Variants in SFMBT2 observed in about 807,000 individuals in gnomAD.
SFMBT2 encodes scm-like with four MBT domains protein 2.
SFMBT2 carries 38 observed loss-of-function variants against 110.1 expected under a neutral mutation model. The ratio of observed to expected loss-of-function variants is 0.35; its 90% CI spans 0.27 to 0.45. SFMBT2 has a LOEUF of 0.45. Ranked by LOEUF, SFMBT2 falls within the 20% of genes least tolerant of loss-of-function variation. The pLI, the probability that SFMBT2 is intolerant of heterozygous loss-of-function variation, is 1.00. For missense variants in SFMBT2, 1,011 were observed against 1,094.9 expected (o/e 0.92, Z 1.08); for synonymous variants, 425 against 425.4 (o/e 1.00, Z 0.01).
intron 3 of SFMBT2, among the ~76,000 whole-genome samples, chr10:7,368,627 A>G (rs4748862): frequency 0.93 from 141,676 of 152,294 alleles, 66,026 homozygotes; most frequent in East Asian, 1. Context: ...AGGGAGGTGG[A>G]AGGATTGACT....
intron 6 of SFMBT2, 103 bp from the exon 7 acceptor site, chr10:7,277,092 G>A (rs1056889739): frequency 2.5e-5 from 18 of 719,704 alleles, no homozygotes; most frequent in Admixed American, 5.8e-5. Context: ...ACCTCAGCAC[G>A]GTCAGTGACC....
chr10:7,257,424 A>T (rs1006926172), intron 7 of SFMBT2, among the ~76,000 whole-genome samples: 10 of 152,182 alleles, frequency 6.6e-5, no homozygotes, highest in Non-Finnish European at 1.2e-4. Context: ...GGAGTGAACC[A>T]TCGCTGCGGG....
chr10:7,216,533 T>C (rs1190183083), intron 11 of SFMBT2, among the ~76,000 whole-genome samples: 1 of 152,230 alleles, frequency 6.6e-6, no homozygotes, highest in East Asian at 1.9e-4. Context: ...GTCTTGAGTA[T>C]GTCTTCATCA....
At chr10:7,219,394 T>C (rs1179326998) in intron 11 of SFMBT2, among the ~76,000 whole-genome samples, 1 of 152,236 alleles carries the variant, frequency 6.6e-6, no homozygotes, top group East Asian at 1.9e-4. Flanking sequence ...TTTCTGGGAA[T>C]TGGCAACACA....
chr10:7,222,968 A>G (rs555359666), intron 10 of SFMBT2, among the ~76,000 whole-genome samples: 1 of 152,176 alleles, frequency 6.6e-6, no homozygotes, highest in South Asian at 2.1e-4. Context: ...CTCTTTTCTT[A>G]TAAGGACGCC....
intron 4 of SFMBT2, among the ~76,000 whole-genome samples, chr10:7,290,905 C>T (rs1480763642): frequency 1.3e-5 from 2 of 152,224 alleles, no homozygotes; most frequent in Non-Finnish European, 2.9e-5. Context: ...ATTAGCATCA[C>T]TTTTTCAGAA....
chr10:7,190,236 T>G (rs1276297730), intron 15 of SFMBT2, among the ~76,000 whole-genome samples: 1 of 152,226 alleles, frequency 6.6e-6, no homozygotes, highest in Non-Finnish European at 1.5e-5. Flanking sequence ...TCTGATTTTA[T>G]TGTTTACTGT....
At chr10:7,285,802 AG>A in intron 5 of SFMBT2, 63 bp downstream of exon 5, 1 of 817,216 alleles carries the variant, frequency 1.2e-6, no homozygotes, top group Non-Finnish European at 2.2e-6. Flanking sequence ...AGGTGCTGTC[AG>A]GTCTGAGCTC....
chr10:7,330,449 A>T (rs1368282499), intron 4 of SFMBT2, among the ~76,000 whole-genome samples: 1 of 152,196 alleles, frequency 6.6e-6, no homozygotes, highest in East Asian at 1.9e-4. Flanking sequence ...TGAATTGAGT[A>T]AACCATCTCT....
chr10:7,355,841 C>T lies in SFMBT2; in HGVS notation c.436+11808G>A, dbSNP rs148026577. 1.2e-4 allele frequency among the ~76,000 whole-genome samples: 18 copies of T among 152,228 alleles called. No individual in the cohort carries two copies. In the East Asian group the frequency reaches 3.3e-3, roughly 28 times the overall value. ...ATAAATAAATAAATAAATAATGAAGCCCCAGTCAATGTATACAACTGTTGG... is the reference window on the plus strand; with the variant it reads ...ATAAATAAATAAATAAATAATGAAGTCCCAGTCAATGTATACAACTGTTGG... On this transcript the variant is annotated intron_variant, in intron 4 of 20. Coordinates refer to ENST00000397167, the MANE Select transcript of SFMBT2 (RefSeq NM_001387889.1).
chr10:7,374,559 T>A (rs1845148797), intron 2 of SFMBT2, among the ~76,000 whole-genome samples: 1 of 152,208 alleles, frequency 6.6e-6, no homozygotes, highest in South Asian at 2.1e-4. Context: ...TTTCCCAATA[T>A]ACAGGGTTCT....
At chr10:7,254,287 C>T (rs1246181902) in intron 7 of SFMBT2, among the ~76,000 whole-genome samples, 1 of 152,124 alleles carries the variant, frequency 6.6e-6, no homozygotes, top group Non-Finnish European at 1.5e-5. Flanking sequence ...ACCACTGAGG[C>T]ACCGCACAGG....
chr10:7,323,233 C>A (rs1843253473), intron 4 of SFMBT2, among the ~76,000 whole-genome samples: 2 of 152,054 alleles, frequency 1.3e-5, no homozygotes, highest in South Asian at 4.2e-4. Flanking sequence ...GCGGGTTGGT[C>A]ACCTGAGTTT....
chr10:7,271,857 G>A (rs997219022), intron 7 of SFMBT2, among the ~76,000 whole-genome samples: 6 of 152,098 alleles, frequency 3.9e-5, no homozygotes, highest in Admixed American at 6.5e-5. Flanking sequence ...ATCAGATCTC[G>A]TGAGACTTAT....
In SFMBT2 at chr10:7,160,838, C is replaced by T. The variant is rs942710620; in HGVS notation, c.*2932G>A. ...CTGATGTGAAGTCCATCCACCACGA[C>T]GGAAATCCCCGGAGAATCCAGGCTC... On this transcript the variant is annotated 3_prime_UTR_variant, in exon 21 of 21. Transcript: ENST00000397167. The T allele has an allele frequency of 6.6e-5, 10 of 152,388 alleles. No individual in the cohort carries two copies. The highest frequency in any genetic ancestry group is 2.1e-4 in the South Asian group (1 of 4,832). 9.4% of individuals were successfully genotyped at this position (152,388 alleles called of 1,614,324 possible).
At chr10:7,278,917 A>C (rs1841860915) in intron 6 of SFMBT2, among the ~76,000 whole-genome samples, 1 of 151,998 alleles carries the variant, frequency 6.6e-6, no homozygotes, top group Non-Finnish European at 1.5e-5. Context: ...ACTTCTAATA[A>C]AATTTAAAAA....
intron 4 of SFMBT2, among the ~76,000 whole-genome samples, chr10:7,366,858 C>T (rs375680755): frequency 1.6e-4 from 24 of 152,174 alleles, no homozygotes; most frequent in Non-Finnish European, 3.1e-4. Flanking sequence ...TTAGCATCAT[C>T]GCTGGCCTCC....
chr10:7,330,497 C>T (rs1459398227), intron 4 of SFMBT2, among the ~76,000 whole-genome samples: 3 of 152,146 alleles, frequency 2.0e-5, no homozygotes, highest in South Asian at 2.1e-4. Context: ...CCCTGTCATC[C>T]GTTCAGCAAT....
At chr10:7,409,127 T>C (rs1367359499) in intron 1 of SFMBT2, among the ~76,000 whole-genome samples, 1 of 134,150 alleles carries the variant, frequency 7.5e-6, no homozygotes, top group African/African-American at 2.9e-5. Flanking sequence ...TTCTCCAAGC[T>C]TCGGTCCCGG....
Sources: gnomAD v4.1 joint callset for allele counts (sites outside exome capture counted in the v4.1 genomes callset) on GRCh38, gnomAD v4.1.1 for gene constraint, MANE v1.5 for transcripts, NCBI Gene and HGNC (gene_info 2026-07-23, HGNC 2026-07-21) for gene names.